BLTP1: variants seen among roughly 807,000 people sequenced by gnomAD.
BLTP1 encodes the protein fragile site-associated protein.
chr4:122,274,718 T>C, the BLTP1 span: 2 of 753,662 alleles, frequency 2.7e-6, no homozygotes, highest in Non-Finnish European at 3.2e-6. Flanking sequence ...ATTTTCAGAA[T>C]TTGCTCTTTC....
chr4:122,219,651 G>C, the BLTP1 span: 1 of 907,514 alleles, frequency 1.1e-6, no homozygotes, highest in South Asian at 1.9e-5. Flanking sequence ...CACACACTTA[G>C]AAAAAGAAAA....
At chr4:122,299,755 TG>T in the BLTP1 span, 1 of 969,906 alleles carries the variant, frequency 1.0e-6, no homozygotes, top group Middle Eastern at 5.3e-4. Flanking sequence ...CATATATGTA[TG>T]TATGTATATG....
chr4:122,301,395 A>G, the BLTP1 span: 1 of 1,554,068 alleles, frequency 6.4e-7, no homozygotes, highest in Non-Finnish European at 8.7e-7. Context: ...CTTGCAGTTC[A>G]AGGTAACATA....
chr4:122,335,145 C>G, the BLTP1 span, among the ~76,000 whole-genome samples: 2,490 of 152,100 alleles, frequency 0.016, 69 homozygotes, highest in African/African-American at 0.056. Context: ...TGGTACTTCC[C>G]TTCCTCTCAT....
the BLTP1 span, chr4:122,174,797 ATGAAT>A: frequency 1.5e-6 from 1 of 685,210 alleles, no homozygotes; most frequent in African/African-American, 1.8e-5. Context: ...ATCATACTTG[ATGAAT>A]TGATGTTTTA....
At chr4:122,320,051 A>G in the BLTP1 span, among the ~76,000 whole-genome samples, 1 of 152,174 alleles carries the variant, frequency 6.6e-6, no homozygotes, top group South Asian at 2.1e-4. Context: ...AGATATGTCC[A>G]TTTCTGATAA....
At chr4:122,250,268 A>G in the BLTP1 span, 2 of 1,298,808 alleles carry the variant, frequency 1.5e-6, no homozygotes, top group Admixed American at 4.8e-5. Flanking sequence ...TGAGAAAAAA[A>G]TAGTCTTTAT....
chr4:122,268,496 T>C, the BLTP1 span, among the ~76,000 whole-genome samples: 1 of 152,156 alleles, frequency 6.6e-6, no homozygotes, highest in South Asian at 2.1e-4. Flanking sequence ...ATCTTCATCC[T>C]TTCTGTCGTG....
chr4:122,216,093 A>G, the BLTP1 span, among the ~76,000 whole-genome samples: 10,249 of 89,834 alleles, frequency 0.11, 560 homozygotes, highest in African/African-American at 0.23. Flanking sequence ...CTGTCTATCT[A>G]TCTATCTATC....
At chr4:122,274,583 T>G in the BLTP1 span, 2 of 1,346,272 alleles carry the variant, frequency 1.5e-6, no homozygotes, top group South Asian at 1.8e-5. Flanking sequence ...TATCACCAAA[T>G]AAAATATTTT....
the BLTP1 span, chr4:122,192,274 G>A: frequency 5.0e-6 from 8 of 1,613,252 alleles, no homozygotes; most frequent in Non-Finnish European, 6.8e-6. Flanking sequence ...GGAGAAATGA[G>A]CAGTGAGGAT....
chr4:122,200,927 G>A, the BLTP1 span: 156 of 1,534,466 alleles, frequency 1.0e-4, no homozygotes, highest in Non-Finnish European at 1.2e-4. Flanking sequence ...ACTCACTAGC[G>A]TGTGTAACTT....
the BLTP1 span, chr4:122,289,064 T>G: frequency 6.2e-7 from 1 of 1,602,240 alleles, no homozygotes; most frequent in South Asian, 1.1e-5. Context: ...TCAGTGTTAA[T>G]CTAATATGAT....
chr4:122,254,155 G>A, the BLTP1 span: 7 of 1,598,404 alleles, frequency 4.4e-6, no homozygotes, highest in Non-Finnish European at 6.0e-6. Context: ...GTTTTAAGGG[G>A]CTGTATGTTA....
the BLTP1 span, chr4:122,281,436 G>A: frequency 3.5e-6 from 5 of 1,426,232 alleles, no homozygotes; most frequent in Non-Finnish European, 4.6e-6. Context: ...TCTATTCACA[G>A]TATATATTTG....
the BLTP1 span, among the ~76,000 whole-genome samples, chr4:122,259,044 A>G: frequency 1.3e-5 from 2 of 152,206 alleles, no homozygotes. Flanking sequence ...AAGGACCACT[A>G]TAACTACCAA....
the BLTP1 span, among the ~76,000 whole-genome samples, chr4:122,319,561 A>G: frequency 4.0e-5 from 5 of 124,076 alleles, no homozygotes; most frequent in African/African-American, 1.5e-4. Flanking sequence ...TTTTTTTTTG[A>G]CACAGAGTCT....
the BLTP1 span, among the ~76,000 whole-genome samples, chr4:122,303,790 T>G: frequency 6.6e-6 from 1 of 152,166 alleles, no homozygotes; most frequent in African/African-American, 2.4e-5. Context: ...CTTGAATGGG[T>G]GAAGAGTTCC....
At chr4:122,255,427 C>A in the BLTP1 span, 8 of 585,380 alleles carry the variant, frequency 1.4e-5, no homozygotes, top group Non-Finnish European at 2.4e-5. Flanking sequence ...GAGGCTGAGG[C>A]GGTTGGATCA....
Sources: allele counts gnomAD v4.1 joint callset (sites outside exome capture counted in the v4.1 genomes callset), GRCh38; gene constraint gnomAD v4.1.1; transcripts MANE v1.5; gene names NCBI Gene and HGNC (gene_info 2026-07-23, HGNC 2026-07-21).